Variants in BCAP29 observed in about 807,000 individuals in gnomAD.
BCAP29 encodes the protein B-cell receptor-associated protein 29.
In BCAP29, 34 loss-of-function variants were observed where a neutral mutation model predicts 31.8. The observed-to-expected ratio is 1.07, with a 90% CI of 0.81 to 1.42. The LOEUF (loss-of-function observed/expected upper bound fraction) is 1.42. Ranked by LOEUF, BCAP29 falls within the 40% of genes most tolerant of loss-of-function variation. BCAP29 has a pLI of 0.00. For missense variants in BCAP29, 314 were observed against 269.2 expected (o/e 1.17, Z -1.16); for synonymous variants, 104 against 91.3 (o/e 1.14, Z -0.79).
At chr7:107,601,653 A>G (rs377009673) in intron 6 of BCAP29, among the ~76,000 whole-genome samples, 1 of 152,246 alleles carries the variant, frequency 6.6e-6, no homozygotes, top group Non-Finnish European at 1.5e-5. Flanking sequence ...TATTGTTTAT[A>G]TGAAAATGAA....
In BCAP29 at chr7:107,613,358, A is replaced by G. The variant is rs949202488; in HGVS notation, c.616A>G (p.Met206Val). The G allele has an allele frequency of 1.2e-6, 2 of 1,611,848 alleles. No homozygotes were observed. The highest frequency in any genetic ancestry group is 1.3e-5 in the African/African-American group (1 of 74,992). The part of the protein sequence containing the change: ...DALSKAQNDV[M>V]EMKMQSERLS... The stretch of plus-strand genomic sequence containing the variant: ...CCTTTCTAAGGCACAAAATGATGTG[A>G]TGGAAATGAAGATGCAGTCAGAGAG... The change falls in exon 7 of 8, where the codon ATG becomes GTG. Residue 206 changes from methionine (M) to valine (V), a missense_variant. By Grantham distance (21) the Met-to-Val change is conservative. Transcript: ENST00000005259.
At chr7:107,622,433 T>C (rs145176882), downstream of BCAP29, 1,966 of 153,978 alleles carry the variant, frequency 0.013, 14 homozygotes, top group Non-Finnish European at 0.021. Flanking sequence ...TTCCCTAGGA[T>C]ATAGATCCTG....
intron 6 of BCAP29, among the ~76,000 whole-genome samples, chr7:107,602,313 T>C (rs1214892724): frequency 6.6e-6 from 1 of 152,182 alleles, no homozygotes; most frequent in Non-Finnish European, 1.5e-5. Context: ...CAGAGTTCCG[T>C]TTCTAAAGAA....
At chr7:107,605,792 T>A (rs1811981659) in intron 6 of BCAP29, among the ~76,000 whole-genome samples, 1 of 152,216 alleles carries the variant, frequency 6.6e-6, no homozygotes, top group Non-Finnish European at 1.5e-5. Flanking sequence ...TCATGGTAAA[T>A]ACTTTTCTAA....
At chr7:107,600,537 G>T in intron 6 of BCAP29, 32 bp downstream of exon 6, 1 of 1,311,054 alleles carries the variant, frequency 7.6e-7, no homozygotes, top group South Asian at 1.2e-5. Flanking sequence ...AAAGTAAAAA[G>T]ACTAGCATGA....
rs1275740472 is a variant in BCAP29, at chr7:107,620,332, C to T, written c.*1969C>T. The T allele has an allele frequency of 2.0e-5, 3 of 152,208 alleles. No homozygotes were observed. Among genetic ancestry groups the T allele is most frequent in the Non-Finnish European group, 4.4e-5 (3 of 68,044 alleles). The allele number at this position is 152,208 out of a possible 1,614,324, so 9.4% of individuals were successfully genotyped here. A position where few individuals can be genotyped will look rare whatever the true frequency, so the allele number is the denominator to read the frequency against. ...ACATAAAATATTGCAGTGTATTAGCCGGCTGTGGCTCCAGAGTCTGTGCCC... is the reference window on the plus strand; with the variant it reads ...ACATAAAATATTGCAGTGTATTAGCTGGCTGTGGCTCCAGAGTCTGTGCCC... On this transcript the variant is annotated 3_prime_UTR_variant, in exon 8 of 8. Coordinates refer to ENST00000005259, the MANE Select transcript of BCAP29 (RefSeq NM_018844.4).
At chr7:107,609,952 A>C (rs1012586610) in intron 6 of BCAP29, among the ~76,000 whole-genome samples, 3 of 152,224 alleles carry the variant, frequency 2.0e-5, no homozygotes, top group Non-Finnish European at 4.4e-5. Flanking sequence ...CAGTGCCTCT[A>C]AAAACTTCCA....
chr7:107,584,478 G>T (rs1005052428), intron 3 of BCAP29, among the ~76,000 whole-genome samples: 2 of 152,330 alleles, frequency 1.3e-5, no homozygotes, highest in Admixed American at 6.5e-5. Context: ...GGAGGCCAAG[G>T]CGGGAGGATT....
At chr7:107,592,585 T>C (rs1258371453) in intron 3 of BCAP29, among the ~76,000 whole-genome samples, 1 of 152,196 alleles carries the variant, frequency 6.6e-6, no homozygotes, top group Non-Finnish European at 1.5e-5. Flanking sequence ...CTCTTAGGTA[T>C]GTACCAAGAG....
intron 6 of BCAP29, among the ~76,000 whole-genome samples, chr7:107,604,846 T>C (rs74780464): frequency 0.018 from 2,686 of 151,876 alleles, 58 homozygotes; most frequent in East Asian, 0.074. Flanking sequence ...AAGAATAATA[T>C]AGTTTATTTG....
intron 3 of BCAP29, chr7:107,587,542 T>G (rs1807925708): frequency 6.6e-6 from 1 of 152,112 alleles, no homozygotes; most frequent in Non-Finnish European, 1.5e-5. Flanking sequence ...TATATTATCT[T>G]TGTTGGTTTT....
At chr7:107,613,278 C>G (rs1176317098) in intron 6 of BCAP29, 54 bp from the exon 7 acceptor site, 2 of 1,375,724 alleles carry the variant, frequency 1.5e-6, no homozygotes, top group African/African-American at 2.9e-5. Context: ...TGTAACTTTT[C>G]TATAAATTTG....
downstream of BCAP29, chr7:107,621,735 A>T: frequency 2.1e-6 from 1 of 472,472 alleles, no homozygotes. Context: ...CAGCCACCAG[A>T]AGCTGGAGGA....
At chr7:107,615,739 A>G in intron 7 of BCAP29, 1 of 180,114 alleles carries the variant, frequency 5.6e-6, no homozygotes, top group Admixed American at 5.4e-5. Flanking sequence ...TCAGGACTTG[A>G]TCTAATTTCT....
intron 7 of BCAP29, among the ~76,000 whole-genome samples, chr7:107,616,788 GA>G (rs1814238705): frequency 1.3e-5 from 2 of 152,036 alleles, no homozygotes; most frequent in Non-Finnish European, 2.9e-5. Flanking sequence ...ACCAAGACTG[GA>G]GTTCAGTGGC....
intron 6 of BCAP29, among the ~76,000 whole-genome samples, chr7:107,602,336 G>A (rs944805038): frequency 6.6e-6 from 1 of 152,052 alleles, no homozygotes; most frequent in African/African-American, 2.4e-5. Flanking sequence ...TGTTTCCTTG[G>A]TCATGTTCTG....
At chr7:107,600,835 C>A (rs62483730) in intron 6 of BCAP29, among the ~76,000 whole-genome samples, 2 of 152,172 alleles carry the variant, frequency 1.3e-5, no homozygotes, top group African/African-American at 4.8e-5. Flanking sequence ...ATCGTATATT[C>A]CTCCTCTCAG....
In BCAP29 at chr7:107,599,258, T is replaced by TTTTATATATATA. The variant is rs1404874036; in HGVS notation, c.481-1128_481-1117dup. Among the ~76,000 whole-genome samples the TTTTATATATATA allele has an allele frequency of 6.7e-3, 823 of 122,046 alleles. 75 individuals are homozygous for TTTTATATATATA. Among genetic ancestry groups the TTTTATATATATA allele is most frequent in the African/African-American group, 0.027 (772 of 28,788 alleles). 80.1% of individuals were successfully genotyped at this position (122,046 alleles called of 152,430 possible). On this transcript the variant is annotated intron_variant, in intron 5 of 7. Coordinates refer to ENST00000005259, the MANE Select transcript of BCAP29 (RefSeq NM_018844.4). ...ATATTTATATATAAATATATATAAT[T>TTTTATATATATA]TTTATATATATATTTATATATAATT...
At chr7:107,590,206 TTAA>T (rs1808465273) in intron 3 of BCAP29, among the ~76,000 whole-genome samples, 1 of 152,204 alleles carries the variant, frequency 6.6e-6, no homozygotes, top group African/African-American at 2.4e-5. Flanking sequence ...AGTTTCCACC[TTAA>T]TAATATCTAC....
Sources: gnomAD v4.1 joint callset for allele counts (sites outside exome capture counted in the v4.1 genomes callset) on GRCh38, gnomAD v4.1.1 for gene constraint, MANE v1.5 for transcripts, NCBI Gene and HGNC (gene_info 2026-07-23, HGNC 2026-07-21) for gene names.